Variants in RIC1 observed in about 807,000 individuals in gnomAD.
The protein encoded by RIC1 is RIC1 partner of RAB6A GEF complex.
In RIC1, 88 loss-of-function variants were observed where a neutral mutation model predicts 169.0. The observed-to-expected ratio is 0.52, with a 90% CI of 0.44 to 0.62. The LOEUF (loss-of-function observed/expected upper bound fraction) is 0.62. RIC1 is among the 20% of genes least tolerant of loss of function. The pLI is 0.00. For missense variants in RIC1, 1,877 were observed against 1,725.5 expected (o/e 1.09, Z -1.56); for synonymous variants, 790 against 601.5 (o/e 1.31, Z -4.59).
At chr9:5,636,611 T>C (rs7041242) in intron 1 of RIC1, among the ~76,000 whole-genome samples, 2 of 151,946 alleles carry the variant, frequency 1.3e-5, no homozygotes, top group Non-Finnish European at 2.9e-5. Context: ...GAGCCACCAC[T>C]CCCAGCCATG....
chr9:5,706,245 G>C (rs1191069143), intron 3 of RIC1, among the ~76,000 whole-genome samples: 1 of 152,116 alleles, frequency 6.6e-6, no homozygotes, highest in East Asian at 1.9e-4. Flanking sequence ...AGATCACGAG[G>C]TCAGGAGATC....
At chr9:5,704,156 C>G (rs1822411484) in intron 3 of RIC1, among the ~76,000 whole-genome samples, 1 of 151,328 alleles carries the variant, frequency 6.6e-6, no homozygotes. Context: ...TTCATTTGCT[C>G]TTTGGCCATT....
chr9:5,645,949 GT>G (rs34638495), intron 1 of RIC1, among the ~76,000 whole-genome samples: 60 of 140,226 alleles, frequency 4.3e-4, no homozygotes, highest in Admixed American at 7.8e-4. Context: ...TATTCTATAG[GT>G]TTTTTTTTTT....
chr9:5,777,372 A>C (rs976958787), downstream of RIC1, among the ~76,000 whole-genome samples: 8 of 151,348 alleles, frequency 5.3e-5, no homozygotes, highest in African/African-American at 1.7e-4. Context: ...CACAAAATGG[A>C]AGACTCTAAA....
chr9:5,670,103 TACA>T (rs1820003581), intron 2 of RIC1, among the ~76,000 whole-genome samples: 1 of 152,224 alleles, frequency 6.6e-6, no homozygotes. Context: ...ATCTCACAAA[TACA>T]GGAAATTTTA....
At chr9:5,676,663 C>T (rs1291907351) in intron 2 of RIC1, among the ~76,000 whole-genome samples, 1 of 152,112 alleles carries the variant, frequency 6.6e-6, no homozygotes, top group Non-Finnish European at 1.5e-5. Flanking sequence ...CTCACTGGCA[C>T]TTTTTTAATG....
At chr9:5,677,796 GA>G (rs1287875717) in intron 2 of RIC1, among the ~76,000 whole-genome samples, 1 of 151,550 alleles carries the variant, frequency 6.6e-6, no homozygotes, top group Non-Finnish European at 1.5e-5. Flanking sequence ...ACATTGTTTT[GA>G]AAAAACTTCC....
At chr9:5,714,599 A>C (rs917561389) in intron 4 of RIC1, among the ~76,000 whole-genome samples, 6 of 152,072 alleles carry the variant, frequency 3.9e-5, no homozygotes, top group African/African-American at 1.2e-4. Context: ...AGATATAAGA[A>C]AATTTATTTA....
intron 6 of RIC1, among the ~76,000 whole-genome samples, chr9:5,723,457 A>G (rs1016983362): frequency 3.9e-5 from 6 of 152,160 alleles, no homozygotes; most frequent in African/African-American, 1.4e-4. Flanking sequence ...TCTGGATATT[A>G]GCCCTTTGTC....
rs750818694 is a variant in RIC1 at position 5,747,373 on chromosome 9, C to A, written c.1320C>A (p.Thr440=). 6.2e-7 allele frequency: 1 copy of A among 1,614,050 alleles called. No homozygotes were observed. Among genetic ancestry groups the A allele is most frequent in the Non-Finnish European group, 8.5e-7 (1 of 1,179,938 alleles). The part of the protein sequence containing the change: ...LYLNCGEASQ[T]QNPRSSSTHS... ...TGAACTGTGGAGAGGCTTCACAAAC[C>A]CAGAATCCCAGGAGTTCTTCAACAC... Residue 440 remains threonine, a synonymous_variant, in exon 12 of 26, where the codon ACC becomes ACA. Coordinates refer to ENST00000414202, the MANE Select transcript of RIC1 (RefSeq NM_020829.4).
chr9:5,680,100 A>G (rs1198146024), intron 2 of RIC1, among the ~76,000 whole-genome samples: 2 of 152,140 alleles, frequency 1.3e-5, no homozygotes, highest in Non-Finnish European at 2.9e-5. Context: ...TGAGATAATC[A>G]TGTGGTTTTT....
In RIC1 at chr9:5,763,075, C is replaced by T; in HGVS notation, c.2113-65C>T. 1 of 1,549,290 alleles carries T rather than the reference C, an allele frequency of 6.5e-7. No individual in the cohort carries two copies. Among genetic ancestry groups the T allele is most frequent in the Non-Finnish European group, 8.7e-7 (1 of 1,147,966 alleles). On this transcript the variant is annotated intron_variant, in intron 18 of 25. Coordinates refer to ENST00000414202, the MANE Select transcript of RIC1 (RefSeq NM_020829.4). The surrounding 1 kb of genome is among the most constrained non-coding windows in gnomAD (Gnocchi z 5.2). ...TTTGAAAGACTTAGTAAACTAGTAC[C>T]TAGGAACTTAAGAACCTGCAGATTT...
At chr9:5,635,837 A>T (rs1278889067) in intron 1 of RIC1, among the ~76,000 whole-genome samples, 1 of 152,182 alleles carries the variant, frequency 6.6e-6, no homozygotes, top group East Asian at 1.9e-4. Context: ...GCATGTAACA[A>T]GTGCCTGCTT....
intron 3 of RIC1, among the ~76,000 whole-genome samples, chr9:5,691,662 T>C (rs1330996498): frequency 6.6e-6 from 1 of 151,996 alleles, no homozygotes; most frequent in African/African-American, 2.4e-5. Flanking sequence ...TGTGATTCTT[T>C]TGAAGAACTG....
chr9:5,683,143 A>G (rs1035917156), intron 2 of RIC1, among the ~76,000 whole-genome samples: 1 of 151,784 alleles, frequency 6.6e-6, no homozygotes, highest in East Asian at 1.9e-4. Flanking sequence ...CCTTCTTTCA[A>G]CTCGTCAAAG....
intron 1 of RIC1, among the ~76,000 whole-genome samples, chr9:5,650,657 A>C (rs1489560727): frequency 6.6e-6 from 1 of 152,036 alleles, no homozygotes; most frequent in Non-Finnish European, 1.5e-5. Flanking sequence ...AGTGTGCTGC[A>C]GTCTTGCTGT....
intron 12 of RIC1, among the ~76,000 whole-genome samples, chr9:5,750,828 A>G (rs1825679722): frequency 6.6e-6 from 1 of 151,528 alleles, no homozygotes; most frequent in South Asian, 2.1e-4. Flanking sequence ...CAAGTATTAG[A>G]GGTAGAGCTC....
At chr9:5,776,881 C>T (rs1309239916), downstream of RIC1, among the ~76,000 whole-genome samples, 1 of 152,082 alleles carries the variant, frequency 6.6e-6, no homozygotes, top group Non-Finnish European at 1.5e-5. Context: ...ACCTAGGCGT[C>T]ATTTCTAATA....
chr9:5,657,414 G>A (rs951070359), intron 2 of RIC1, among the ~76,000 whole-genome samples: 3 of 152,062 alleles, frequency 2.0e-5, no homozygotes, highest in Non-Finnish European at 2.9e-5. Flanking sequence ...CCTCCTATCC[G>A]ATGAGTACAA....
Sources: allele counts gnomAD v4.1 joint callset (sites outside exome capture counted in the v4.1 genomes callset), GRCh38; gene constraint gnomAD v4.1.1; non-coding constraint Gnocchi (gnomAD v3.1); transcripts MANE v1.5; gene names NCBI Gene and HGNC (gene_info 2026-07-23, HGNC 2026-07-21).